LRIG3: variants seen among roughly 807,000 people sequenced by gnomAD.
LRIG3 encodes the protein leucine-rich repeats and immunoglobulin-like domains protein 3.
In LRIG3, 76 loss-of-function variants were observed where a neutral mutation model predicts 114.5. That is an observed-to-expected ratio of 0.66 (90% CI 0.55 to 0.80). The LOEUF is 0.80. LRIG3 is among the 30% of genes least tolerant of loss of function. LRIG3 has a pLI of 0.00. For missense variants in LRIG3, 1,239 were observed against 1,382.8 expected, an observed-to-expected ratio of 0.90 and a Z score of 1.65; for synonymous variants, 512 against 519.8, an observed-to-expected ratio of 0.98 and a Z score of 0.20.
At chr12:58,885,744 A>G in intron 10 of LRIG3, 87 bp downstream of exon 10, 2 of 851,084 alleles carry the variant, frequency 2.3e-6, no homozygotes, top group Non-Finnish European at 3.5e-6. Context: ...ACAAAATTAC[A>G]TTCCAGTTTG....
rs963536342 is a variant in LRIG3 at position 58,874,288 on chromosome 12, T to G, written c.2882A>C (p.Glu961Ala). The change falls in exon 18 of 19, where the codon GAG becomes GCG. Residue 961 changes from glutamate (E) to alanine (A), a missense_variant. By Grantham distance (107) the Glu-to-Ala change is moderately radical. Coordinates refer to ENST00000320743, the MANE Select transcript of LRIG3 (RefSeq NM_153377.5). ...CTCCTTTTTCTTTATGTAACTGGGCTCATAGTGGTCCATTAAAACTGTTCT... is the reference window on the plus strand; with the variant it reads ...CTCCTTTTTCTTTATGTAACTGGGCGCATAGTGGTCCATTAAAACTGTTCT... ...DPRTVLMDHYEPSYIKKKECY... is the reference protein window; with the variant it reads ...DPRTVLMDHYAPSYIKKKECY... 5.6e-6 allele frequency: 9 copies of G among 1,613,456 alleles called. No homozygotes were observed. The highest frequency in any genetic ancestry group is 1.7e-5 in the Admixed American group (1 of 59,890).
Position 58,920,004 on chromosome 12 carries a change from G to T in LRIG3, c.232C>A (p.Arg78=), listed in dbSNP as rs931710560. 1.9e-6 allele frequency: 3 copies of T among 1,551,906 alleles called. No individual in the cohort carries two copies. Among genetic ancestry groups the T allele is most frequent in the Non-Finnish European group, 1.7e-6 (2 of 1,147,740 alleles). Reference sequence around the variant, plus strand: ...CCCCGCGGGAAGAATACTTACAGCCGAGCGACCCAGGACGGGAGTGGCTCG... The same window carrying T: ...CCCCGCGGGAAGAATACTTACAGCCTAGCGACCCAGGACGGGAGTGGCTCG... The part of the protein sequence containing the change: ...LPEPLPSWVA[R]LDLSHNRLSF... Residue 78 remains arginine, a synonymous_variant, in exon 1 of 19, where the codon CGG becomes AGG. Coordinates refer to ENST00000320743, the MANE Select transcript of LRIG3 (RefSeq NM_153377.5).
intron 10 of LRIG3, among the ~76,000 whole-genome samples, chr12:58,884,338 GT>G (rs1238687377): frequency 6.6e-6 from 1 of 152,158 alleles, no homozygotes; most frequent in Non-Finnish European, 1.5e-5. Context: ...TTACCACTCT[GT>G]TTTTCTTTAC....
intron 15 of LRIG3, 59 bp downstream of exon 15, chr12:58,877,341 T>C (rs1409471318): frequency 2.5e-5 from 39 of 1,539,454 alleles, no homozygotes; most frequent in Non-Finnish European, 3.4e-5. Context: ...CTAGAAGTAT[T>C]TGCAGAACCA....
chr12:58,897,058 A>G (rs1565619720), intron 3 of LRIG3, among the ~76,000 whole-genome samples: 1 of 152,246 alleles, frequency 6.6e-6, no homozygotes, highest in Non-Finnish European at 1.5e-5. Context: ...AACTTTTAAC[A>G]GAAGTTTGGC....
chr12:58,902,439 C>T (rs1871889852), intron 3 of LRIG3, among the ~76,000 whole-genome samples: 1 of 152,098 alleles, frequency 6.6e-6, no homozygotes. Flanking sequence ...TTTCATTTTG[C>T]CTTCCACCTC....
chr12:58,895,637 A>G (rs953145802), intron 3 of LRIG3, among the ~76,000 whole-genome samples: 2 of 152,148 alleles, frequency 1.3e-5, no homozygotes, highest in African/African-American at 4.8e-5. Context: ...CTCAAGATCA[A>G]CTGTGGGGAG....
At chr12:58,883,191 T>C (rs1002735214) in intron 11 of LRIG3, among the ~76,000 whole-genome samples, 159 bp from the exon 12 acceptor site, 1 of 152,172 alleles carries the variant, frequency 6.6e-6, no homozygotes, top group Admixed American at 6.5e-5. Context: ...ATACAAGAAA[T>C]GTATCTAGCA....
intron 3 of LRIG3, among the ~76,000 whole-genome samples, chr12:58,909,618 T>C (rs1872196504): frequency 1.3e-5 from 2 of 152,196 alleles, no homozygotes; most frequent in African/African-American, 2.4e-5. Context: ...GAGCACTCAG[T>C]ACATGCAAGA....
At chr12:58,902,979 C>T (rs917321545) in intron 3 of LRIG3, among the ~76,000 whole-genome samples, 3 of 152,068 alleles carry the variant, frequency 2.0e-5, no homozygotes, top group African/African-American at 4.8e-5. Flanking sequence ...TTGTTGGACA[C>T]TTGGGTTGGT....
chr12:58,883,127 T>A, intron 11 of LRIG3, 95 bp from the exon 12 acceptor site: 1 of 1,257,358 alleles, frequency 8.0e-7, no homozygotes, highest in Non-Finnish European at 1.1e-6. Context: ...GCAATGAATT[T>A]GGAAACTGAA....
intron 1 of LRIG3, chr12:58,919,685 G>C (rs1228258667): frequency 8.9e-7 from 1 of 1,119,178 alleles, no homozygotes; most frequent in Non-Finnish European, 1.2e-6. Flanking sequence ...GCAAGCATTT[G>C]AACCCCTTGG....
chr12:58,888,563 C>A, intron 6 of LRIG3, 91 bp from the exon 7 acceptor site: 1 of 1,492,410 alleles, frequency 6.7e-7, no homozygotes, highest in Non-Finnish European at 9.1e-7. Flanking sequence ...ATTACAGATT[C>A]CTATTGTTAT....
chr12:58,895,045 G>C (rs1871592083), intron 3 of LRIG3, among the ~76,000 whole-genome samples: 2 of 152,168 alleles, frequency 1.3e-5, no homozygotes, highest in Non-Finnish European at 2.9e-5. Context: ...TCAGCTTCTC[G>C]GGTCCAGTGA....
chr12:58,920,020 G>T lies in LRIG3; in HGVS notation c.216C>A (p.Leu72=). The T allele has an allele frequency of 6.4e-7, 1 of 1,552,538 alleles. No homozygotes were observed. The highest frequency in any genetic ancestry group is 8.7e-7 in the Non-Finnish European group (1 of 1,148,346). The change falls in exon 1 of 19, where the codon CTC becomes CTA. Residue 72 remains leucine, a synonymous_variant. Coordinates refer to ENST00000320743, the MANE Select transcript of LRIG3 (RefSeq NM_153377.5). ...CTTACAGCCGAGCGACCCAGGACGG[G>T]AGTGGCTCGGGAAGACGCGCTAGCC... The part of the protein sequence containing the change: ...RKRLARLPEP[L]PSWVARLDLS...
In LRIG3 at chr12:58,911,032, T is replaced by C. The variant is rs559132399; in HGVS notation, c.383+2950A>G. On this transcript the variant is annotated intron_variant, in intron 3 of 18. Transcript: ENST00000320743. The stretch of plus-strand genomic sequence containing the variant: ...TGTCATCCTGCAATAGCTAGGATAT[T>C]GTGAGAGAAAAATTTAAAAAACATA... Among the ~76,000 whole-genome samples, 3 of 152,340 alleles carry C rather than the reference T, an allele frequency of 2.0e-5. No individual in the cohort carries two copies. The South Asian group carries it at 6.2e-4, about 32-fold the overall frequency.
Position 58,874,076 on chromosome 12 carries a change from C to T in LRIG3, c.3094G>A (p.Ala1032Thr), listed in dbSNP as rs909035038. The change falls in exon 18 of 19, where the codon GCC becomes ACC. Residue 1032 changes from alanine (A) to threonine (T), a missense_variant. By Grantham distance (58) the Ala-to-Thr change is moderately conservative (BLOSUM62 0). Coordinates refer to ENST00000320743, the MANE Select transcript of LRIG3 (RefSeq NM_153377.5). ...TTACCCATGAAAGAATTACTCGAGG[C>T]AACCGACGCTGGCTCTGGATTTGCA... ...FSANPEPASV[A>T]SSNSFMGTFG... 1.2e-5 allele frequency: 20 copies of T among 1,614,072 alleles called. No individual in the cohort carries two copies. Among genetic ancestry groups the T allele is most frequent in the Non-Finnish European group, 1.7e-5 (20 of 1,180,040 alleles).
intron 8 of LRIG3, 26 bp downstream of exon 8, chr12:58,887,763 T>C: frequency 6.2e-7 from 1 of 1,609,242 alleles, no homozygotes; most frequent in Non-Finnish European, 8.5e-7. Flanking sequence ...TACGTTCGAG[T>C]ACTGACAGCA....
In LRIG3 at chr12:58,914,073, AAAAAAG is replaced by A; in HGVS notation, c.309-23_309-18del. 1 of 1,592,432 alleles carries A rather than the reference AAAAAAG, an allele frequency of 6.3e-7. No individual in the cohort carries two copies. Among genetic ancestry groups the A allele is most frequent in the Non-Finnish European group, 8.5e-7 (1 of 1,174,704 alleles). On this transcript the variant is annotated intron_variant, in intron 2 of 18. Coordinates refer to ENST00000320743, the MANE Select transcript of LRIG3 (RefSeq NM_153377.5). ...TTCAGTTTCCTACAAATGCCAAAAA[AAAAAAG>A]AAAAAGAAAAGCTGATTAGGTAATC...
Sources: gnomAD v4.1 joint callset for allele counts (sites outside exome capture counted in the v4.1 genomes callset) on GRCh38, gnomAD v4.1.1 for gene constraint, MANE v1.5 for transcripts, NCBI Gene and HGNC (gene_info 2026-07-23, HGNC 2026-07-21) for gene names.